Variants in PAPPA2 observed in about 807,000 individuals in gnomAD.
PAPPA2 encodes pappalysin 2.
Under a neutral mutation model 176.4 loss-of-function variants are expected in PAPPA2, and 86 were observed. That is an observed-to-expected ratio of 0.49 (90% confidence interval 0.41 to 0.58). The LOEUF is 0.58. PAPPA2 is among the 20% of genes least tolerant of loss of function. The probability of loss-of-function intolerance (pLI) is 0.00; values close to 1 mark genes in which losing one functional copy is unlikely to be tolerated. For missense variants in PAPPA2, 2,073 were observed against 2,256.9 expected (o/e 0.92, Z 1.65); for synonymous variants, 809 against 852.2 (o/e 0.95, Z 0.88).
At chr1:176,675,762 A>G (rs1659255291) in intron 4 of PAPPA2, among the ~76,000 whole-genome samples, 1 of 152,128 alleles carries the variant, frequency 6.6e-6, no homozygotes, top group Non-Finnish European at 1.5e-5. Context: ...AAAGATATCA[A>G]ACCACAGATT....
At chr1:176,618,557 G>GA (rs1220966711) in intron 3 of PAPPA2, among the ~76,000 whole-genome samples, 1 of 152,146 alleles carries the variant, frequency 6.6e-6, no homozygotes, top group Non-Finnish European at 1.5e-5. Context: ...GACAACATGA[G>GA]AAAAATTGTA....
At chr1:176,733,264 T>C (rs1200931264) in intron 12 of PAPPA2, among the ~76,000 whole-genome samples, 2 of 152,182 alleles carry the variant, frequency 1.3e-5, no homozygotes, top group Non-Finnish European at 2.9e-5. Context: ...ATATCCATGA[T>C]TGAAATTTCT....
rs535538090 is a variant in PAPPA2, at chr1:176,480,763, C to T, written c.-917+17345C>T. On this transcript the variant is annotated intron_variant, in intron 1 of 22. Coordinates refer to ENST00000367662, the MANE Select transcript of PAPPA2 (RefSeq NM_020318.3). Reference sequence around the variant, plus strand: ...CACTAGTTAGGACCACCCCTTCTCCCTCTCCCCACCCCTCCCTCAGGCTCT... The same window carrying T: ...CACTAGTTAGGACCACCCCTTCTCCTTCTCCCCACCCCTCCCTCAGGCTCT... 3.9e-5 allele frequency among the ~76,000 whole-genome samples: 6 copies of T among 152,178 alleles called. No homozygotes were observed. The South Asian group carries it at 1.2e-3, about 32-fold the overall frequency.
chr1:176,836,454 TA>T (rs1667274146), intron 21 of PAPPA2, among the ~76,000 whole-genome samples: 1 of 152,228 alleles, frequency 6.6e-6, no homozygotes. Context: ...CTAACCTTTC[TA>T]AAACATCAGC....
intron 1 of PAPPA2, among the ~76,000 whole-genome samples, chr1:176,512,004 G>C (rs887448741): frequency 1.3e-5 from 2 of 151,918 alleles, no homozygotes; most frequent in African/African-American, 4.8e-5. Context: ...ACCTAGGTCA[G>C]ACAAAGTACT....
At chr1:176,622,717 A>G (rs999269501) in intron 3 of PAPPA2, among the ~76,000 whole-genome samples, 1 of 152,224 alleles carries the variant, frequency 6.6e-6, no homozygotes, top group African/African-American at 2.4e-5. Context: ...TTAGTATGAT[A>G]TAGTGGGACT....
chr1:176,571,517 C>T (rs545129908), intron 2 of PAPPA2, among the ~76,000 whole-genome samples: 14 of 152,310 alleles, frequency 9.2e-5, no homozygotes, highest in Admixed American at 8.5e-4. Context: ...GTTGCTATTT[C>T]ACCCTTCTGT....
chr1:176,591,054 G>T lies in PAPPA2; in HGVS notation c.920-3470G>T, dbSNP rs1653624742. 2.0e-5 allele frequency among the ~76,000 whole-genome samples: 3 copies of T among 148,736 alleles called. No homozygotes were observed. In the South Asian group the frequency reaches 6.4e-4, roughly 32 times the overall value. ...ATATAAATGGGAGATAACATTACAG[G>T]CTAAGTAAAAGTAAATATAGTCACA... On this transcript the variant is annotated intron_variant, in intron 2 of 22. Transcript: ENST00000367662.
Position 176,690,299 on chromosome 1 carries a change from C to A in PAPPA2, c.2300C>A (p.Thr767Lys). 6.2e-7 allele frequency: 1 copy of A among 1,614,082 alleles called. No homozygotes were observed. Among genetic ancestry groups the A allele is most frequent in the Non-Finnish European group, 8.5e-7 (1 of 1,179,994 alleles). Reference protein sequence around the residue: ...PCKETVPSMETGDLCADTAPT... With the variant: ...PCKETVPSMEKGDLCADTAPT... ...AAGGAGACAGTGCCATCCATGGAAA[C>A]GGGAGACCTCTGTGCCGACACCGCC... Residue 767 changes from threonine (T) to lysine (K), a missense_variant, in exon 5 of 23, where the codon ACG (threonine) becomes AAG (lysine). Thr to Lys is a moderately conservative substitution (Grantham distance 78, BLOSUM62 -1). Transcript: ENST00000367662.
chr1:176,547,811 G>A (rs1225882918), intron 1 of PAPPA2, among the ~76,000 whole-genome samples: 1 of 152,160 alleles, frequency 6.6e-6, no homozygotes, highest in African/African-American at 2.4e-5. Flanking sequence ...CCTGGGAGGT[G>A]ATATCATTTC....
In PAPPA2 at chr1:176,755,173, A is replaced by G. The variant is rs568161797; in HGVS notation, c.4152-10493A>G. ...CTAGGATTAGAAGATGACAGAGTCA[A>G]CATGAAGCTTCTGTTGGGGAGTCTA... On this transcript the variant is annotated intron_variant, in intron 14 of 22. Transcript: ENST00000367662. 3.3e-5 allele frequency among the ~76,000 whole-genome samples: 5 copies of G among 152,306 alleles called. No homozygotes were observed. In the South Asian group the frequency reaches 8.3e-4, roughly 25 times the overall value.
intron 15 of PAPPA2, among the ~76,000 whole-genome samples, chr1:176,768,715 G>A (rs557197734): frequency 4.6e-5 from 7 of 152,228 alleles, no homozygotes; most frequent in African/African-American, 7.2e-5. Flanking sequence ...TTAGGTGCTC[G>A]ATAAATATCT....
chr1:176,812,614 C>T (rs1666204640), intron 21 of PAPPA2, among the ~76,000 whole-genome samples: 1 of 152,080 alleles, frequency 6.6e-6, no homozygotes, highest in Non-Finnish European at 1.5e-5. Context: ...ATTAAATAAT[C>T]CAATAGACAG....
intron 21 of PAPPA2, among the ~76,000 whole-genome samples, chr1:176,817,267 G>A (rs1414858323): frequency 6.6e-6 from 1 of 152,142 alleles, no homozygotes; most frequent in African/African-American, 2.4e-5. Flanking sequence ...AATACTATGA[G>A]CACAGGGCAC....
chr1:176,584,663 T>C (rs1339716119), intron 2 of PAPPA2, among the ~76,000 whole-genome samples: 1 of 131,628 alleles, frequency 7.6e-6, no homozygotes, highest in Non-Finnish European at 1.6e-5. Flanking sequence ...CTTTATTTCT[T>C]ACTTTCTCTC....
intron 12 of PAPPA2, among the ~76,000 whole-genome samples, chr1:176,712,502 T>G (rs921435990): frequency 2.0e-5 from 3 of 152,248 alleles, no homozygotes; most frequent in African/African-American, 7.2e-5. Context: ...TCATTCATGC[T>G]GCTTCACTTA....
chr1:176,625,264 A>G (rs1054859968), intron 3 of PAPPA2, among the ~76,000 whole-genome samples: 50 of 152,176 alleles, frequency 3.3e-4, no homozygotes, highest in African/African-American at 1.2e-3. Context: ...GAGAGAAGAC[A>G]GGAGGAGAGT....
intron 1 of PAPPA2, among the ~76,000 whole-genome samples, chr1:176,488,758 A>C (rs916254760): frequency 1.3e-5 from 2 of 152,118 alleles, no homozygotes; most frequent in Non-Finnish European, 2.9e-5. Context: ...AAGAAGACGC[A>C]AAGGTTTGGT....
chr1:176,671,175 G>A (rs1192346012), intron 4 of PAPPA2, 60 bp downstream of exon 4: 9 of 1,591,442 alleles, frequency 5.7e-6, no homozygotes, highest in Non-Finnish European at 7.7e-6. Context: ...AAGGAAGCTT[G>A]CGAAAGTAAG....
Sources: allele counts gnomAD v4.1 joint callset (sites outside exome capture counted in the v4.1 genomes callset), GRCh38; gene constraint gnomAD v4.1.1; transcripts MANE v1.5; gene names NCBI Gene and HGNC (gene_info 2026-07-23, HGNC 2026-07-21).